Variants in TENM3 observed in about 807,000 individuals in gnomAD.
TENM3 encodes the protein teneurin transmembrane protein 3.
A neutral mutation model predicts 255.1 loss-of-function variants in TENM3; 63 were observed. That is an observed-to-expected ratio of 0.25 (90% CI 0.20 to 0.30). The LOEUF (loss-of-function observed/expected upper bound fraction) is 0.30. Among genes scored for constraint, TENM3 ranks in the 10% least tolerant of loss-of-function variants. The pLI is 1.00. For synonymous variants in TENM3, 1,306 were observed against 1,322.3 expected (o/e 0.99, Z 0.27); for missense variants, 2,929 against 3,461.1 (o/e 0.85, Z 3.86).
At chr4:181,990,483 G>A in the TENM3 span, among the ~76,000 whole-genome samples, 3 of 152,082 alleles carry the variant, frequency 2.0e-5, no homozygotes, top group Non-Finnish European at 4.4e-5. Flanking sequence ...CTAGCCACTA[G>A]ATTTACAGAA....
At chr4:182,502,910 C>CTTTTTTTTTTTTTTTTTT (rs10671906) in intron 3 of TENM3, among the ~76,000 whole-genome samples, 1 of 77,370 alleles carries the variant, frequency 1.3e-5, no homozygotes. Flanking sequence ...TGAAGTCAGC[C>CTTTTTTTTTTTTTTTTTT]TTTTTTTTTT....
chr4:181,755,437 A>G, the TENM3 span, among the ~76,000 whole-genome samples: 3 of 152,134 alleles, frequency 2.0e-5, no homozygotes, highest in African/African-American at 4.8e-5. Flanking sequence ...TTAAAAATCT[A>G]TTATACCTTG....
At chr4:182,619,289 G>C (rs1425300555) in intron 4 of TENM3, among the ~76,000 whole-genome samples, 1 of 152,006 alleles carries the variant, frequency 6.6e-6, no homozygotes, top group African/African-American at 2.4e-5. Flanking sequence ...AAATTAGCTG[G>C]GCATGGTGGC....
At chr4:181,548,568 G>A in the TENM3 span, among the ~76,000 whole-genome samples, 1 of 152,152 alleles carries the variant, frequency 6.6e-6, no homozygotes, top group African/African-American at 2.4e-5. Flanking sequence ...ACTGAGAGGT[G>A]TTCTCAGAAA....
Position 182,161,624 on chromosome 4 carries a change from T to TATAC in TENM3, c.-76+16871_-76+16872insTACA, listed in dbSNP as rs1185891780. ...ACATATATATATATGTATATATATA[T>TATAC]ACAAATATATATATGTATATATATA... On this transcript the variant is annotated intron_variant, in intron 1 of 2. Transcript: ENST00000512480. 8.2e-3 allele frequency among the ~76,000 whole-genome samples: 738 copies of TATAC among 90,016 alleles called. 38 individuals are homozygous for TATAC. The highest frequency in any genetic ancestry group is 0.045 in the East Asian group (67 of 1,484). The allele number at this position is 90,016 out of a possible 152,430, so 59.1% of individuals were successfully genotyped here.
chr4:181,697,859 C>T, the TENM3 span, among the ~76,000 whole-genome samples: 3 of 152,050 alleles, frequency 2.0e-5, no homozygotes, highest in Non-Finnish European at 2.9e-5. Flanking sequence ...CTGTGCAAAC[C>T]ACCGTTAGGT....
In TENM3 at chr4:182,298,276, A is replaced by G. The variant is rs115629337; in HGVS notation, c.-75-25670A>G. ...CCTAGCACCTCGTGCAGTGCCAGCC[A>G]TATCCTAGTCCCTGAGAAATAGTTG... On this transcript the variant is annotated intron_variant, in intron 1 of 27. Transcript: ENST00000511685. Among the ~76,000 whole-genome samples the G allele has an allele frequency of 9.9e-3, 1,507 of 152,276 alleles. 11 individuals are homozygous for G. Among genetic ancestry groups the G allele is most frequent in the Non-Finnish European group, 0.015 (1,011 of 68,030 alleles).
chr4:181,786,766 C>T, the TENM3 span, among the ~76,000 whole-genome samples: 1 of 151,618 alleles, frequency 6.6e-6, no homozygotes, highest in Non-Finnish European at 1.5e-5. Context: ...GAGTCGCTCC[C>T]AGCACTTGGT....
At chr4:182,424,220 A>G (rs1412842290) in intron 3 of TENM3, among the ~76,000 whole-genome samples, 1 of 152,188 alleles carries the variant, frequency 6.6e-6, no homozygotes, top group East Asian at 1.9e-4. Context: ...TAAAACACAT[A>G]CACATTAAAA....
chr4:181,500,715 T>C, the TENM3 span, among the ~76,000 whole-genome samples: 78 of 152,192 alleles, frequency 5.1e-4, 1 homozygote, highest in Non-Finnish European at 6.0e-4. Flanking sequence ...TCCCCATTTG[T>C]ATTTACTTTT....
chr4:181,958,662 A>G, the TENM3 span, among the ~76,000 whole-genome samples: 1 of 152,150 alleles, frequency 6.6e-6, no homozygotes, highest in Non-Finnish European at 1.5e-5. Flanking sequence ...TCAAGCCAGT[A>G]ATATACAGCC....
the TENM3 span, among the ~76,000 whole-genome samples, chr4:181,481,637 A>C: frequency 6.6e-6 from 1 of 152,232 alleles, no homozygotes; most frequent in South Asian, 2.1e-4. Flanking sequence ...GAAAGCTAAC[A>C]ATCTAGCCAG....
the TENM3 span, among the ~76,000 whole-genome samples, chr4:181,610,210 A>G: frequency 2.0e-5 from 3 of 152,052 alleles, no homozygotes; most frequent in African/African-American, 7.2e-5. Flanking sequence ...GTCTCTACAC[A>G]CCCTGTATGT....
the TENM3 span, among the ~76,000 whole-genome samples, chr4:181,990,768 A>G: frequency 6.6e-6 from 1 of 152,138 alleles, no homozygotes; most frequent in African/African-American, 2.4e-5. Flanking sequence ...ATTACTAACT[A>G]ATAATAATCA....
At chr4:182,143,551 G>T (rs1470444291), upstream of TENM3, 1 of 166,898 alleles carries the variant, frequency 6.0e-6, no homozygotes, top group African/African-American at 2.4e-5. This position sits in a 1 kb window ranked among gnomAD's most constrained non-coding sequence, Gnocchi z 4.3. Flanking sequence ...CCACCCTACG[G>T]AAGATCAAGA....
At chr4:182,531,238 G>T (rs547692038) in intron 3 of TENM3, among the ~76,000 whole-genome samples, 96 of 152,270 alleles carry the variant, frequency 6.3e-4, no homozygotes, top group African/African-American at 2.2e-3. Flanking sequence ...ACACTGTTTT[G>T]TTATAAATAA....
At chr4:182,086,297 T>A in the TENM3 span, among the ~76,000 whole-genome samples, 1 of 152,076 alleles carries the variant, frequency 6.6e-6, no homozygotes, top group Non-Finnish European at 1.5e-5. Flanking sequence ...AATTAAGAAG[T>A]CACCCTCAAA....
At chr4:181,641,658 A>ATG in the TENM3 span, among the ~76,000 whole-genome samples, 122 of 105,410 alleles carry the variant, frequency 1.2e-3, 2 homozygotes, top group Non-Finnish European at 2.0e-3. Context: ...ATATATATAT[A>ATG]CCATGGAATA....
intron 3 of TENM3, among the ~76,000 whole-genome samples, chr4:182,526,974 T>C (rs1379645448): frequency 7.1e-6 from 1 of 140,602 alleles, no homozygotes; most frequent in African/African-American, 3.1e-5. Context: ...CTGAGTTCTT[T>C]AATTTTTTTT....
Sources: allele counts gnomAD v4.1 joint callset (sites outside exome capture counted in the v4.1 genomes callset), GRCh38; gene constraint gnomAD v4.1.1; non-coding constraint Gnocchi (gnomAD v3.1); transcripts MANE v1.5; gene names NCBI Gene and HGNC (gene_info 2026-07-23, HGNC 2026-07-21).